FMN1: variants seen among roughly 807,000 people sequenced by gnomAD.
FMN1 encodes formin-1.
In FMN1, 110 loss-of-function variants were observed where a neutral mutation model predicts 132.4. That is an observed-to-expected ratio of 0.83 (90% CI 0.71 to 0.97). FMN1 has a LOEUF of 0.97. FMN1 is among the 50% of genes least tolerant of loss of function. FMN1 has a pLI of 0.00. For missense variants in FMN1, 1,792 were observed against 1,705.3 expected, an observed-to-expected ratio of 1.05 and a Z score of -0.90; for synonymous variants, 722 against 651.7, an observed-to-expected ratio of 1.11 and a Z score of -1.64.
At chr15:33,161,835 G>A (rs1177636610) in intron 3 of FMN1, among the ~76,000 whole-genome samples, 3 of 151,834 alleles carry the variant, frequency 2.0e-5, no homozygotes, top group Admixed American at 6.6e-5. Context: ...GGAGAATGGC[G>A]TGAACCCGGG....
chr15:33,080,207 A>G (rs1176972176), intron 5 of FMN1, among the ~76,000 whole-genome samples: 1 of 152,230 alleles, frequency 6.6e-6, no homozygotes, highest in Non-Finnish European at 1.5e-5. Context: ...AACAATACAA[A>G]AATGCGGCCC....
chr15:32,959,495 G>C (rs1002474290), intron 9 of FMN1, among the ~76,000 whole-genome samples: 5 of 152,150 alleles, frequency 3.3e-5, no homozygotes, highest in African/African-American at 1.2e-4. Context: ...AAAGCTCACT[G>C]AAAACTCTAA....
chr15:32,930,233 C>T (rs147477502), intron 9 of FMN1, among the ~76,000 whole-genome samples: 9,590 of 151,968 alleles, frequency 0.063, 424 homozygotes, highest in Middle Eastern at 0.14. Flanking sequence ...ATGATCTGCT[C>T]GCCTTGGCCT....
chr15:32,838,297 G>C (rs527752281), intron 17 of FMN1, among the ~76,000 whole-genome samples: 1 of 152,278 alleles, frequency 6.6e-6, no homozygotes, highest in East Asian at 1.9e-4. Context: ...AAATCGGAGA[G>C]GTGAGGCCAA....
rs570255915 is a variant in FMN1 at position 33,095,366 on chromosome 15, A to T, written c.1868-6392T>A. On this transcript the variant is annotated intron_variant, in intron 4 of 20. Transcript: ENST00000616417. ...GTCTCAAAAAAAACAAAAAGAAAAA[A>T]GAAAGAATATACTTGCTTGTTAACA... is the stretch of plus-strand genomic sequence containing the variant. 2.0e-5 allele frequency among the ~76,000 whole-genome samples: 3 copies of T among 152,268 alleles called. No homozygotes were observed. The South Asian group carries it at 6.2e-4, about 32-fold the overall frequency.
intron 17 of FMN1, among the ~76,000 whole-genome samples, chr15:32,823,550 T>C (rs1249244604): frequency 1.3e-5 from 2 of 152,168 alleles, no homozygotes; most frequent in Non-Finnish European, 2.9e-5. Context: ...AATGCCGTTA[T>C]TCCAAGAAAA....
chr15:33,102,826 T>C (rs1044960152), intron 4 of FMN1, among the ~76,000 whole-genome samples: 2 of 152,168 alleles, frequency 1.3e-5, no homozygotes, highest in South Asian at 2.1e-4. Flanking sequence ...CTTTCTCATA[T>C]GGGTATTCAG....
At chr15:32,965,894 C>G (rs1037089119) in intron 8 of FMN1, among the ~76,000 whole-genome samples, 2 of 152,150 alleles carry the variant, frequency 1.3e-5, no homozygotes, top group African/African-American at 2.4e-5. Flanking sequence ...GTGTTCCTCT[C>G]TCAGCCATAC....
intron 17 of FMN1, among the ~76,000 whole-genome samples, chr15:32,834,518 A>G (rs774000784): frequency 6.6e-6 from 1 of 152,230 alleles, no homozygotes; most frequent in Non-Finnish European, 1.5e-5. Flanking sequence ...CAGGAGCTCA[A>G]GGGCTAAATC....
At chr15:33,075,020 CAAAAA>C (rs57504432) in intron 5 of FMN1, among the ~76,000 whole-genome samples, 14 of 61,688 alleles carry the variant, frequency 2.3e-4, no homozygotes, top group South Asian at 1.2e-3. Flanking sequence ...GATTCCATCT[CAAAAA>C]AAAAAAAAAA....
chr15:32,985,693 T>A (rs1281822188), intron 7 of FMN1, among the ~76,000 whole-genome samples: 1 of 152,116 alleles, frequency 6.6e-6, no homozygotes, highest in Non-Finnish European at 1.5e-5. Context: ...TTTCAACAAA[T>A]CTGGCACTCT....
In FMN1 at chr15:33,128,788, C is replaced by G. The variant is rs575798506; in HGVS notation, c.1867+24260G>C. Among the ~76,000 whole-genome samples the G allele has an allele frequency of 5.9e-5, 9 of 152,344 alleles. No individual in the cohort carries two copies. The East Asian group carries it at 1.7e-3, about 29-fold the overall frequency. On this transcript the variant is annotated intron_variant, in intron 4 of 20. Coordinates refer to ENST00000616417, the MANE Select transcript of FMN1 (RefSeq NM_001277313.2). The stretch of plus-strand genomic sequence containing the variant: ...AAGTGGTATGGACCCAAACGGTGAG[C>G]AGCAGCAAGATTTACTGTCACGAGC...
chr15:33,167,117 C>T (rs1177068044), intron 3 of FMN1, among the ~76,000 whole-genome samples: 5 of 152,130 alleles, frequency 3.3e-5, no homozygotes, highest in East Asian at 1.9e-4. Context: ...TGACATTAGC[C>T]AATGATATGG....
At chr15:32,791,447 TCC>T (rs2057074843) in intron 19 of FMN1, among the ~76,000 whole-genome samples, 1 of 152,132 alleles carries the variant, frequency 6.6e-6, no homozygotes, top group Non-Finnish European at 1.5e-5. Flanking sequence ...TAATTATCTT[TCC>T]TTTATTTCAT....
intron 4 of FMN1, among the ~76,000 whole-genome samples, chr15:33,147,201 C>T (rs556351571): frequency 1.8e-3 from 266 of 151,336 alleles, no homozygotes; most frequent in Admixed American, 3.5e-3. Context: ...ACAAAACATA[C>T]GCTTTCAATA....
chr15:33,044,594 A>C (rs1014129233), intron 6 of FMN1, among the ~76,000 whole-genome samples: 1 of 152,020 alleles, frequency 6.6e-6, no homozygotes. Flanking sequence ...GGAACTACTC[A>C]CCCCAGGATC....
intron 15 of FMN1, among the ~76,000 whole-genome samples, chr15:32,895,478 G>A (rs1430985590): frequency 6.6e-6 from 1 of 152,018 alleles, no homozygotes; most frequent in East Asian, 1.9e-4. Flanking sequence ...CAAGCACATG[G>A]CATCTTTATG....
At chr15:32,942,970 G>T (rs1262345219) in intron 9 of FMN1, among the ~76,000 whole-genome samples, 1 of 152,168 alleles carries the variant, frequency 6.6e-6, no homozygotes. Context: ...TCATGACAAT[G>T]ATATACAGGT....
intron 19 of FMN1, among the ~76,000 whole-genome samples, chr15:32,791,258 A>AT (rs1164545318): frequency 6.9e-6 from 1 of 145,866 alleles, no homozygotes; most frequent in African/African-American, 2.5e-5. Flanking sequence ...CTTTAGTGTA[A>AT]AAAAAAAAAA....
Sources: allele counts gnomAD v4.1 joint callset (sites outside exome capture counted in the v4.1 genomes callset), GRCh38; gene constraint gnomAD v4.1.1; transcripts MANE v1.5; gene names NCBI Gene and HGNC (gene_info 2026-07-23, HGNC 2026-07-21).